Variants in SPIDR observed in about 807,000 individuals in gnomAD.
SPIDR encodes DNA repair-scaffolding protein.
SPIDR carries 93 observed loss-of-function variants against 104.6 expected under a neutral mutation model. The ratio of observed to expected loss-of-function variants is 0.89; its 90% CI spans 0.75 to 1.06. The LOEUF is 1.06. SPIDR is among the 50% of genes least tolerant of loss of function. The pLI is 0.00. For synonymous variants in SPIDR, 431 were observed against 416.9 expected, an observed-to-expected ratio of 1.03 and a Z score of -0.41; for missense variants, 1,154 against 1,111.2, an observed-to-expected ratio of 1.04 and a Z score of -0.55.
intron 8 of SPIDR, among the ~76,000 whole-genome samples, chr8:47,478,985 T>C (rs2154360786): frequency 6.6e-6 from 1 of 152,332 alleles, no homozygotes; most frequent in East Asian, 1.9e-4. Flanking sequence ...GTTGTTTTTT[T>C]CCATTTGTTC....
intron 10 of SPIDR, among the ~76,000 whole-genome samples, chr8:47,643,263 A>G (rs1456513137): frequency 1.3e-5 from 2 of 152,196 alleles, no homozygotes; most frequent in Non-Finnish European, 2.9e-5. Flanking sequence ...TCAGATGACT[A>G]ATAGGTATAA....
intron 7 of SPIDR, among the ~76,000 whole-genome samples, chr8:47,439,515 A>G (rs1554694824): frequency 2.0e-5 from 3 of 152,146 alleles, no homozygotes; most frequent in Non-Finnish European, 4.4e-5. Context: ...TTTCTGATTT[A>G]TGCTGGGTGC....
intron 5 of SPIDR, among the ~76,000 whole-genome samples, chr8:47,393,721 T>A: frequency 9.8e-6 from 1 of 102,458 alleles, no homozygotes; most frequent in East Asian, 3.1e-4. Flanking sequence ...TCCTTTCCTT[T>A]CCTTTCCTTT....
intron 8 of SPIDR, among the ~76,000 whole-genome samples, chr8:47,477,639 T>A (rs1035261637): frequency 3.9e-5 from 6 of 152,264 alleles, no homozygotes; most frequent in African/African-American, 7.2e-5. Context: ...TTTAAGCTAC[T>A]GCTCAATAAA....
intron 8 of SPIDR, among the ~76,000 whole-genome samples, chr8:47,571,527 A>G (rs2058522736): frequency 6.6e-6 from 1 of 152,218 alleles, no homozygotes; most frequent in Non-Finnish European, 1.5e-5. Flanking sequence ...TACAAGAATC[A>G]AATGAGGTAA....
At chr8:47,679,349 G>C (rs914566627) in intron 11 of SPIDR, among the ~76,000 whole-genome samples, 2 of 152,196 alleles carry the variant, frequency 1.3e-5, no homozygotes, top group African/African-American at 4.8e-5. Context: ...CTCCAGTGCT[G>C]GCCCATGGCA....
chr8:47,352,494 A>G (rs1335848158), intron 5 of SPIDR, among the ~76,000 whole-genome samples: 2 of 152,062 alleles, frequency 1.3e-5, no homozygotes, highest in African/African-American at 4.8e-5. Flanking sequence ...TGAAAACTAC[A>G]ATGTTGAGGG....
chr8:47,651,743 T>C (rs1169653853), intron 10 of SPIDR, among the ~76,000 whole-genome samples: 1 of 152,054 alleles, frequency 6.6e-6, no homozygotes, highest in Non-Finnish European at 1.5e-5. Context: ...GAAAAATCAC[T>C]ATACACACCA....
chr8:47,678,482 TCCTC>T (rs988967905), intron 11 of SPIDR, among the ~76,000 whole-genome samples: 8 of 152,126 alleles, frequency 5.3e-5, no homozygotes, highest in African/African-American at 1.7e-4. Flanking sequence ...ACAGCTCACT[TCCTC>T]CACACTCAGA....
intron 8 of SPIDR, among the ~76,000 whole-genome samples, chr8:47,489,986 GC>G (rs1554737597): frequency 6.6e-6 from 1 of 152,158 alleles, no homozygotes; most frequent in African/African-American, 2.4e-5. Context: ...GGCAACAAAA[GC>G]CAAAATTGAC....
At chr8:47,606,873 A>G (rs1210691504) in intron 10 of SPIDR, among the ~76,000 whole-genome samples, 2 of 152,162 alleles carry the variant, frequency 1.3e-5, no homozygotes, top group African/African-American at 2.4e-5. Flanking sequence ...TTTTCTCTGT[A>G]TGGAGACAGG....
chr8:47,723,301 G>T (rs2083684928), intron 16 of SPIDR, among the ~76,000 whole-genome samples: 2 of 151,598 alleles, frequency 1.3e-5, no homozygotes, highest in Admixed American at 1.3e-4. Context: ...AATATCAACT[G>T]TATTTATAAC....
chr8:47,372,972 T>G (rs2058216801), intron 5 of SPIDR, among the ~76,000 whole-genome samples: 1 of 152,144 alleles, frequency 6.6e-6, no homozygotes, highest in Non-Finnish European at 1.5e-5. Flanking sequence ...GTGCTAGTCG[T>G]GAGGGCAATG....
chr8:47,718,973 A>G (rs1382856517), intron 16 of SPIDR, among the ~76,000 whole-genome samples: 4 of 152,044 alleles, frequency 2.6e-5, no homozygotes, highest in Non-Finnish European at 5.9e-5. Context: ...AAACCCTCAC[A>G]GGTCTTCCCT....
At chr8:47,710,349 AAGAG>A (rs2081675997) in intron 14 of SPIDR, among the ~76,000 whole-genome samples, 2 of 152,296 alleles carry the variant, frequency 1.3e-5, no homozygotes, top group South Asian at 4.1e-4. Context: ...AATAGATTGA[AAGAG>A]AGACCACTGG....
intron 5 of SPIDR, chr8:47,357,873 C>CAGTAA (rs2054876478): frequency 2.3e-5 from 23 of 984,620 alleles, no homozygotes; most frequent in Non-Finnish European, 2.8e-5. Context: ...ACATGAAGGT[C>CAGTAA]AGTAAATGAT....
At chr8:47,390,433 T>G (rs537316105) in intron 5 of SPIDR, among the ~76,000 whole-genome samples, 19 of 152,138 alleles carry the variant, frequency 1.2e-4, no homozygotes, top group Admixed American at 1.2e-3. Flanking sequence ...TGAAAATTAA[T>G]GATCTACAGC....
At chr8:47,283,369 G>A (rs1261590179) in intron 2 of SPIDR, among the ~76,000 whole-genome samples, 1 of 152,116 alleles carries the variant, frequency 6.6e-6, no homozygotes, top group African/African-American at 2.4e-5. Context: ...CTCTTATATT[G>A]GTTTTGACTG....
chr8:47,543,306 G>A (rs1351306113), intron 8 of SPIDR, among the ~76,000 whole-genome samples: 1 of 152,152 alleles, frequency 6.6e-6, no homozygotes, highest in East Asian at 1.9e-4. Flanking sequence ...GAGTGATCCA[G>A]TTTCTCCATA....
Sources: allele counts gnomAD v4.1 joint callset (sites outside exome capture counted in the v4.1 genomes callset), GRCh38; gene constraint gnomAD v4.1.1; transcripts MANE v1.5; gene names NCBI Gene and HGNC (gene_info 2026-07-23, HGNC 2026-07-21).